Variants in RIN2 observed in about 807,000 individuals in gnomAD.
RIN2 encodes the protein Ras and Rab interactor 2, also known as RAB5 interacting protein 2.
RIN2 carries 36 observed loss-of-function variants against 78.0 expected under a neutral mutation model. The ratio of observed to expected loss-of-function variants is 0.46; its 90% CI spans 0.35 to 0.61. RIN2 has a LOEUF of 0.61. RIN2 is among the 20% of genes least tolerant of loss of function. RIN2 has a pLI of 0.00. For missense variants in RIN2, 1,087 were observed against 1,159.7 expected (o/e 0.94, Z 0.91); for synonymous variants, 466 against 466.8 (o/e 1.00, Z 0.02).
At chr20:19,822,888 C>T (rs6046348) in intron 2 of RIN2, among the ~76,000 whole-genome samples, 48 of 152,136 alleles carry the variant, frequency 3.2e-4, no homozygotes, top group African/African-American at 1.1e-3. Flanking sequence ...AAAGAGGTGA[C>T]TATTTGCATG....
intron 1 of RIN2, among the ~76,000 whole-genome samples, chr20:19,776,625 G>A (rs1282940412): frequency 2.0e-5 from 3 of 151,968 alleles, no homozygotes; most frequent in Non-Finnish European, 4.4e-5. Context: ...CCAGCTACTC[G>A]GGAGGCTGAG....
At chr20:19,828,442 A>G (rs1287973481) in intron 2 of RIN2, among the ~76,000 whole-genome samples, 1 of 152,170 alleles carries the variant, frequency 6.6e-6, no homozygotes, top group Non-Finnish European at 1.5e-5. Context: ...TCACAGAGAC[A>G]CTATGAGAAT....
At chr20:19,795,182 T>A (rs2035016370) in intron 1 of RIN2, among the ~76,000 whole-genome samples, 1 of 152,224 alleles carries the variant, frequency 6.6e-6, no homozygotes, top group South Asian at 2.1e-4. Context: ...CAGGGAAGTC[T>A]CAGTCAGTCT....
intron 3 of RIN2, among the ~76,000 whole-genome samples, chr20:19,929,564 GTTGGC>G: frequency 6.6e-6 from 1 of 152,118 alleles, no homozygotes; most frequent in East Asian, 1.9e-4. Context: ...ATTTTATCAT[GTTGGC>G]GAGGCTGGTT....
At chr20:19,760,704 G>C (rs1355556303) in intron 1 of RIN2, among the ~76,000 whole-genome samples, 1 of 152,136 alleles carries the variant, frequency 6.6e-6, no homozygotes, top group Non-Finnish European at 1.5e-5. Context: ...TTAATGGGAG[G>C]CCCATTCTTC....
At chr20:19,900,228 A>C (rs781547601) in intron 3 of RIN2, among the ~76,000 whole-genome samples, 2 of 152,222 alleles carry the variant, frequency 1.3e-5, no homozygotes, top group Non-Finnish European at 2.9e-5. Context: ...TCATGCCTGT[A>C]ATCCCAGCAC....
At chr20:19,913,778 C>T (rs998695917) in intron 3 of RIN2, among the ~76,000 whole-genome samples, 2 of 152,180 alleles carry the variant, frequency 1.3e-5, no homozygotes, top group African/African-American at 2.4e-5. Context: ...CTTTTTAAGG[C>T]TGAATAATAT....
intron 2 of RIN2, among the ~76,000 whole-genome samples, chr20:19,803,194 T>A (rs1338598991): frequency 2.6e-5 from 4 of 152,198 alleles, no homozygotes; most frequent in Admixed American, 2.6e-4. Context: ...GATTCTACCC[T>A]GTTCTTTCAA....
At chr20:19,835,345 A>G (rs939074251) in intron 2 of RIN2, among the ~76,000 whole-genome samples, 25 of 152,228 alleles carry the variant, frequency 1.6e-4, no homozygotes, top group Admixed American at 3.9e-4. Context: ...TGGAATGTAT[A>G]TAAATCTTCT....
chr20:19,889,670 C>A lies in RIN2; in HGVS notation c.57+12C>A. ...GAAGTTTCTTTAAGGTAAAAGGAAG[C>A]CTTGATTGGGATCTCAACTCGTCGG... On this transcript the variant is annotated intron_variant, in intron 3 of 12. Coordinates refer to ENST00000255006, the MANE Select transcript of RIN2 (RefSeq NM_018993.4). The A allele has an allele frequency of 1.3e-6, 2 of 1,481,804 alleles. No homozygotes were observed. The highest frequency in any genetic ancestry group is 1.4e-5 in the African/African-American group (1 of 70,798). The allele number at this position is 1,481,804 out of a possible 1,614,324, so 91.8% of individuals were successfully genotyped here. A position where few individuals can be genotyped will look rare whatever the true frequency, so the allele number is the denominator to read the frequency against.
chr20:19,916,402 T>C (rs1279640010), intron 3 of RIN2, among the ~76,000 whole-genome samples: 1 of 152,224 alleles, frequency 6.6e-6, no homozygotes, highest in Non-Finnish European at 1.5e-5. Context: ...GAGGATTGCC[T>C]GAGGCCAGGA....
At chr20:19,982,081 C>A (rs773626504) in intron 9 of RIN2, among the ~76,000 whole-genome samples, 28 of 152,246 alleles carry the variant, frequency 1.8e-4, no homozygotes, top group Non-Finnish European at 2.5e-4. Flanking sequence ...GCAGGAACCC[C>A]AGTGTGGTTT....
chr20:19,963,722 T>C (rs996825839), intron 6 of RIN2, among the ~76,000 whole-genome samples: 1 of 151,976 alleles, frequency 6.6e-6, no homozygotes, highest in African/African-American at 2.4e-5. Flanking sequence ...TTTAGAGGAA[T>C]ATCAGTGTGA....
At chr20:19,932,768 AT>A (rs1369503423) in intron 3 of RIN2, among the ~76,000 whole-genome samples, 1 of 152,098 alleles carries the variant, frequency 6.6e-6, no homozygotes, top group African/African-American at 2.4e-5. Flanking sequence ...AAACAGAAAA[AT>A]CTCCATCCAG....
At chr20:19,831,015 C>T (rs993362459) in intron 2 of RIN2, among the ~76,000 whole-genome samples, 2 of 152,182 alleles carry the variant, frequency 1.3e-5, no homozygotes, top group African/African-American at 4.8e-5. Context: ...ACGGGCGCTC[C>T]TTAATAAGTC....
At chr20:19,766,942 A>C (rs534901539) in intron 1 of RIN2, among the ~76,000 whole-genome samples, 18 of 151,548 alleles carry the variant, frequency 1.2e-4, no homozygotes, top group African/African-American at 3.6e-4. Context: ...AAAAAGAGTG[A>C]GAAACAAGAG....
At chr20:20,000,296 C>G (rs978571570) in intron 12 of RIN2, among the ~76,000 whole-genome samples, 1 of 127,952 alleles carries the variant, frequency 7.8e-6, no homozygotes, top group Non-Finnish European at 1.9e-5. Context: ...GGAATAAACC[C>G]AGCATTGGAT....
chr20:19,991,022 C>G (rs1046164820), intron 10 of RIN2, among the ~76,000 whole-genome samples: 1 of 152,180 alleles, frequency 6.6e-6, no homozygotes, highest in Admixed American at 6.5e-5. Flanking sequence ...AGTAATGGAG[C>G]CCTGCATTGT....
At chr20:19,876,494 A>G (rs991346379) in intron 2 of RIN2, among the ~76,000 whole-genome samples, 10 of 152,238 alleles carry the variant, frequency 6.6e-5, no homozygotes, top group South Asian at 2.1e-4. Flanking sequence ...CCTTGGTTAA[A>G]ATGGAAGCTT....
Sources: allele counts gnomAD v4.1 joint callset (sites outside exome capture counted in the v4.1 genomes callset), GRCh38; gene constraint gnomAD v4.1.1; transcripts MANE v1.5; gene names NCBI Gene and HGNC (gene_info 2026-07-23, HGNC 2026-07-21).